The following COBL variants were observed in gnomAD, a reference collection of about 807,000 sequenced individuals.
COBL encodes cordon-bleu WH2 repeat protein.
COBL carries 51 observed loss-of-function variants against 98.8 expected under a neutral mutation model. The observed-to-expected ratio is 0.52, with a 90% CI of 0.41 to 0.65. The LOEUF (loss-of-function observed/expected upper bound fraction) is 0.65, where lower values mean the gene tolerates loss of function less well. COBL is among the 30% of genes least tolerant of loss of function. The pLI is 0.00. For synonymous variants in COBL, 634 were observed against 651.7 expected (o/e 0.97, Z 0.41); for missense variants, 1,617 against 1,617.5 (o/e 1.00, Z 0.01).
chr7:51,271,751 C>T (rs906991890), intron 1 of COBL, among the ~76,000 whole-genome samples: 4 of 152,284 alleles, frequency 2.6e-5, no homozygotes, highest in East Asian at 1.9e-4. Flanking sequence ...TGAAACCAGT[C>T]GGACACAGTG....
chr7:51,249,335 T>C (rs973491177), intron 1 of COBL, among the ~76,000 whole-genome samples: 2 of 152,128 alleles, frequency 1.3e-5, no homozygotes, highest in African/African-American at 4.8e-5. Flanking sequence ...ACCCTAAGCA[T>C]GAAACATTCC....
intron 7 of COBL, among the ~76,000 whole-genome samples, chr7:51,054,919 C>T (rs779814464): frequency 3.9e-4 from 59 of 152,204 alleles, no homozygotes; most frequent in Non-Finnish European, 6.5e-4. Context: ...CAGCCTTCCT[C>T]GTTTCAGCAG....
At chr7:51,172,832 G>A (rs10278611) in intron 5 of COBL, among the ~76,000 whole-genome samples, 14,460 of 150,822 alleles carry the variant, frequency 0.096, 891 homozygotes, top group African/African-American at 0.17. Flanking sequence ...TGTGTCGCCC[G>A]GGCTGGAGTG....
rs369051694 is a variant in COBL at position 51,070,392 on chromosome 7, A to AACAC, written c.1096+14770_1096+14773dup. Among the ~76,000 whole-genome samples the AACAC allele has an allele frequency of 9.0e-3, 1,251 of 139,010 alleles. 11 individuals carry two copies. Among genetic ancestry groups the AACAC allele is most frequent in the African/African-American group, 0.02 (751 of 38,090 alleles). 91.2% of individuals were successfully genotyped at this position (139,010 alleles called of 152,430 possible). A position where few individuals can be genotyped will look rare whatever the true frequency, so the allele number is the denominator to read the frequency against. ...TGGGTATGAAGGATGAAACAGTTAA[A>AACAC]ACACACACACACACACACACACACA... On this transcript the variant is annotated intron_variant, in intron 7 of 12. Transcript: ENST00000265136.
chr7:51,097,334 G>A (rs1160723171), intron 6 of COBL, among the ~76,000 whole-genome samples: 6 of 152,114 alleles, frequency 3.9e-5, no homozygotes, highest in African/African-American at 1.4e-4. Context: ...AAATCCCACA[G>A]CTGACATCAT....
chr7:51,135,767 T>C (rs1013613389), intron 6 of COBL, among the ~76,000 whole-genome samples: 3 of 152,230 alleles, frequency 2.0e-5, no homozygotes, highest in Non-Finnish European at 4.4e-5. Flanking sequence ...ACTCTGAATT[T>C]GCTTTCTGTA....
chr7:51,284,129 C>CAAAAAAAAAAAAAAAAAAAAAAAAAAAA (rs71021763), intron 1 of COBL, among the ~76,000 whole-genome samples: 1 of 66,246 alleles, frequency 1.5e-5, no homozygotes, highest in Non-Finnish European at 2.6e-5. Context: ...ACCAAAAATA[C>CAAAAAAAAAAAAAAAAAAAAAAAAAAAA]AAAAAAAAAA....
intron 7 of COBL, among the ~76,000 whole-genome samples, chr7:51,058,723 T>G (rs933216567): frequency 6.6e-6 from 1 of 152,168 alleles, no homozygotes; most frequent in Non-Finnish European, 1.5e-5. Flanking sequence ...AGGAGCTTCA[T>G]GGAGAGGCGT....
At chr7:51,133,234 T>G (rs1158393171) in intron 6 of COBL, among the ~76,000 whole-genome samples, 14 of 152,178 alleles carry the variant, frequency 9.2e-5, no homozygotes, top group Admixed American at 9.2e-4. Context: ...GAGGGTTCCC[T>G]GGGTCCCAGT....
At position 51,027,740 on chromosome 7, in the gene COBL, G is replaced by C; in HGVS notation, c.3356C>G (p.Ser1119Cys). The part of the protein sequence containing the change: ...LHSALMEAIH[S>C]AGGKDRLRKT... ...GCGTAGTCTGTCCTTCCCTCCCGCAGAGTGGATGGCTTCCATCAGGGCAGA... is the reference window on the plus strand; with the variant it reads ...GCGTAGTCTGTCCTTCCCTCCCGCACAGTGGATGGCTTCCATCAGGGCAGA... The change falls in exon 10 of 13, where the codon TCT becomes TGT. Residue 1119 changes from serine (S) to cysteine (C), a missense_variant. Transcript: ENST00000265136. 5.6e-6 allele frequency: 9 copies of C among 1,614,024 alleles called. No homozygotes were observed. The highest frequency in any genetic ancestry group is 7.6e-6 in the Non-Finnish European group (9 of 1,179,926).
At chr7:51,276,500 T>C (rs1799326218) in intron 1 of COBL, among the ~76,000 whole-genome samples, 1 of 152,220 alleles carries the variant, frequency 6.6e-6, no homozygotes, top group South Asian at 2.1e-4. Flanking sequence ...TTTCTTGCTT[T>C]TCAGGCTTTT....
chr7:51,093,576 C>T (rs1006677654), intron 6 of COBL, among the ~76,000 whole-genome samples: 1 of 152,162 alleles, frequency 6.6e-6, no homozygotes, highest in African/African-American at 2.4e-5. Context: ...ATTATGAATG[C>T]CACAGCAGGG....
chr7:51,184,654 G>T (rs1002385175), intron 4 of COBL, among the ~76,000 whole-genome samples: 41 of 152,282 alleles, frequency 2.7e-4, no homozygotes, highest in African/African-American at 9.6e-4. Flanking sequence ...AAGTATTGAT[G>T]AGATATTTTA....
chr7:51,160,333 CATA>C (rs1283309107), intron 5 of COBL, among the ~76,000 whole-genome samples: 1 of 152,036 alleles, frequency 6.6e-6, no homozygotes, highest in African/African-American at 2.4e-5. Flanking sequence ...GTTGAGTGGC[CATA>C]ATAACATATT....
rs202146280 is a variant in COBL, at chr7:51,029,167, T to C, written c.1929A>G (p.Leu643=). The C allele has an allele frequency of 1.4e-5, 23 of 1,614,182 alleles. No homozygotes were observed. In the Admixed American group the frequency reaches 2.8e-4, roughly 20 times the overall value. The part of the protein sequence containing the change: ...SFASNLHTDN[L]NAKVKDKVYG... ...ACACTTTGTCTTTCACTTTTGCATT[T>C]AGGTTGTCTGTGTGAAGATTCGAAG... is the stretch of plus-strand genomic sequence containing the variant. The change falls in exon 10 of 13, where the codon CTA becomes CTG. Residue 643 remains leucine, a synonymous_variant. Coordinates refer to ENST00000265136, the MANE Select transcript of COBL (RefSeq NM_015198.5).
At chr7:51,285,006 G>A (rs1800206770) in intron 1 of COBL, among the ~76,000 whole-genome samples, 1 of 149,598 alleles carries the variant, frequency 6.7e-6, no homozygotes, top group African/African-American at 2.5e-5. Context: ...AGAGTGCAGT[G>A]GCACAATCTT....
intron 5 of COBL, among the ~76,000 whole-genome samples, chr7:51,166,514 C>T (rs1405549613): frequency 6.6e-6 from 1 of 152,044 alleles, no homozygotes; most frequent in Non-Finnish European, 1.5e-5. Context: ...CTGCTAAATT[C>T]TCCCAAACAT....
In COBL at chr7:51,274,862, CA is replaced by C. The variant is rs370555781; in HGVS notation, c.41+41730del. Among the ~76,000 whole-genome samples, 429 of 152,290 alleles carry C rather than the reference CA, an allele frequency of 2.8e-3. 1 individual carries two copies. The highest frequency in any genetic ancestry group is 9.7e-3 in the African/African-American group (405 of 41,566). On this transcript the variant is annotated intron_variant, in intron 1 of 12. Transcript: ENST00000265136. ...AGCATTTGGGAATCTGAGATACTTT[CA>C]GGGTTTTCTGAGATACTTTCAGTAA...
At chr7:51,103,406 C>T (rs747719970) in intron 6 of COBL, among the ~76,000 whole-genome samples, 1 of 151,970 alleles carries the variant, frequency 6.6e-6, no homozygotes, top group African/African-American at 2.4e-5. Flanking sequence ...AATATTTTCC[C>T]TAGTTTGTCA....
Sources: allele counts gnomAD v4.1 joint callset (sites outside exome capture counted in the v4.1 genomes callset), GRCh38; gene constraint gnomAD v4.1.1; transcripts MANE v1.5; gene names NCBI Gene and HGNC (gene_info 2026-07-23, HGNC 2026-07-21).